The following ROBO2 variants were observed in gnomAD, a reference collection of about 807,000 sequenced individuals.
ROBO2 encodes roundabout homolog 2.
In ROBO2, 53 loss-of-function variants were observed where a neutral mutation model predicts 160.8. The ratio of observed to expected loss-of-function variants is 0.33; its 90% CI spans 0.26 to 0.41. The LOEUF (loss-of-function observed/expected upper bound fraction) is 0.41, where lower values mean the gene tolerates loss of function less well. Ranked by LOEUF, ROBO2 falls within the 10% of genes least tolerant of loss-of-function variation. The pLI is 1.00. For missense variants in ROBO2, 1,577 were observed against 1,722.4 expected (o/e 0.92, Z 1.49); for synonymous variants, 664 against 611.7 (o/e 1.09, Z -1.26).
chr3:76,214,339 G>A (rs142083163), intron 2 of ROBO2, among the ~76,000 whole-genome samples: 2,270 of 152,240 alleles, frequency 0.015, 30 homozygotes, highest in Non-Finnish European at 0.024. Flanking sequence ...GCAGTACACC[G>A]AGCATGAGCC....
chr3:76,610,878 T>G (rs2088057383), intron 2 of ROBO2, among the ~76,000 whole-genome samples: 1 of 152,196 alleles, frequency 6.6e-6, no homozygotes, highest in Non-Finnish European at 1.5e-5. Flanking sequence ...AGGTTCCAAA[T>G]TCATGTCCTG....
At chr3:75,990,666 G>A (rs2065541444) in intron 2 of ROBO2, among the ~76,000 whole-genome samples, 1 of 152,196 alleles carries the variant, frequency 6.6e-6, no homozygotes, top group Non-Finnish European at 1.5e-5. Flanking sequence ...ACCGCCATTG[G>A]AAGGTAAGGT....
intron 2 of ROBO2, among the ~76,000 whole-genome samples, chr3:76,089,637 A>T (rs1363997240): frequency 6.6e-6 from 1 of 152,140 alleles, no homozygotes; most frequent in African/African-American, 2.4e-5. Context: ...ACACCCATTC[A>T]TGATAAATTC....
intron 2 of ROBO2, among the ~76,000 whole-genome samples, chr3:77,305,850 A>G (rs1378981498): frequency 2.0e-5 from 3 of 152,214 alleles, no homozygotes; most frequent in Non-Finnish European, 4.4e-5. Context: ...GCTTTCTAAC[A>G]TTTGAACAAG....
At chr3:76,575,375 T>C (rs2085224382) in intron 2 of ROBO2, among the ~76,000 whole-genome samples, 8 of 152,030 alleles carry the variant, frequency 5.3e-5, no homozygotes, top group Admixed American at 5.3e-4. Context: ...ACATAATGTT[T>C]TATCAGAGCC....
At chr3:76,098,601 G>C (rs2069550762) in intron 2 of ROBO2, among the ~76,000 whole-genome samples, 1 of 129,984 alleles carries the variant, frequency 7.7e-6, no homozygotes. Context: ...CATCAATTTA[G>C]AGTTTTTATA....
intron 2 of ROBO2, among the ~76,000 whole-genome samples, chr3:75,963,290 CA>C (rs1948990351): frequency 6.6e-6 from 1 of 151,726 alleles, no homozygotes; most frequent in African/African-American, 2.4e-5. Context: ...TGGGCTCAAG[CA>C]GTCCTCCCAA....
chr3:76,062,398 CCAAA>C (rs530100408), intron 2 of ROBO2, among the ~76,000 whole-genome samples: 15 of 152,176 alleles, frequency 9.9e-5, no homozygotes, highest in African/African-American at 3.6e-4. Flanking sequence ...AATGTTATCC[CCAAA>C]CAATTACAGG....
intron 2 of ROBO2, among the ~76,000 whole-genome samples, chr3:76,251,291 T>C (rs1373652542): frequency 6.6e-6 from 1 of 151,940 alleles, no homozygotes; most frequent in Non-Finnish European, 1.5e-5. Flanking sequence ...TTCAGCTAGT[T>C]GCGGGAGGGT....
At chr3:76,316,245 T>G in intron 2 of ROBO2, among the ~76,000 whole-genome samples, 1 of 152,136 alleles carries the variant, frequency 6.6e-6, no homozygotes. Flanking sequence ...CTGAGGGTAC[T>G]GCAGGAGACC....
At chr3:77,424,146 A>T (rs2077964261) in intron 2 of ROBO2, among the ~76,000 whole-genome samples, 1 of 152,208 alleles carries the variant, frequency 6.6e-6, no homozygotes, top group African/African-American at 2.4e-5. Context: ...GACAATTTGC[A>T]CAGATATTAA....
intron 2 of ROBO2, among the ~76,000 whole-genome samples, chr3:77,011,819 C>G (rs2061940397): frequency 6.6e-6 from 1 of 151,868 alleles, no homozygotes; most frequent in Admixed American, 6.6e-5. Flanking sequence ...CTGGTGAGAC[C>G]TTTATTTTGA....
chr3:76,131,955 A>G (rs1374370730), intron 2 of ROBO2, among the ~76,000 whole-genome samples: 1 of 152,126 alleles, frequency 6.6e-6, no homozygotes, highest in Non-Finnish European at 1.5e-5. Flanking sequence ...AAATATTACT[A>G]GCAAAGCTAA....
At chr3:77,646,840 G>A (rs2095415874) in exon 26 of ROBO2, 1 of 152,562 alleles carries the variant, frequency 6.6e-6, no homozygotes, top group African/African-American at 2.4e-5. Flanking sequence ...CTTAAAAAAA[G>A]AAATTAAAGT....
chr3:76,782,234 G>A (rs569123200), intron 2 of ROBO2, among the ~76,000 whole-genome samples: 1 of 150,492 alleles, frequency 6.6e-6, no homozygotes. Context: ...GTTTCATACC[G>A]TTATGGTAGA....
In ROBO2 at chr3:77,379,170, ACT is replaced by A. The variant is rs370319196; in HGVS notation, c.389-98242_389-98241del. On this transcript the variant is annotated intron_variant, in intron 2 of 25. Transcript: ENST00000461745. ...ACCATGTTGGTCAGGTTTGTCTCGA[ACT>A]CCTGACCTAGTGATCCACCTGCCTC... Among the ~76,000 whole-genome samples, 55 of 150,592 alleles carry A rather than the reference ACT, an allele frequency of 3.7e-4. 1 individual carries two copies. In the East Asian group the frequency reaches 0.01, roughly 28 times the overall value.
chr3:76,641,847 C>T (rs2090692199), intron 2 of ROBO2, among the ~76,000 whole-genome samples: 1 of 152,162 alleles, frequency 6.6e-6, no homozygotes, highest in Non-Finnish European at 1.5e-5. Flanking sequence ...AGGCCATCCT[C>T]CCACCTCAGC....
chr3:76,752,306 G>T (rs1453355120), intron 2 of ROBO2, among the ~76,000 whole-genome samples: 1 of 150,940 alleles, frequency 6.6e-6, no homozygotes, highest in African/African-American at 2.4e-5. Context: ...GGGTAGGGGG[G>T]AGGGATAGCA....
At chr3:77,358,208 C>T (rs1291036429) in intron 2 of ROBO2, among the ~76,000 whole-genome samples, 1 of 152,158 alleles carries the variant, frequency 6.6e-6, no homozygotes, top group Non-Finnish European at 1.5e-5. Flanking sequence ...CTCTTGGAGA[C>T]TCTAGGTAGA....
Sources: allele counts gnomAD v4.1 joint callset (sites outside exome capture counted in the v4.1 genomes callset), GRCh38; gene constraint gnomAD v4.1.1; transcripts MANE v1.5; gene names NCBI Gene and HGNC (gene_info 2026-07-23, HGNC 2026-07-21).